Variants in EGFL6 observed in about 807,000 individuals in gnomAD.
EGFL6 encodes the protein epidermal growth factor-like protein 6.
In EGFL6, 42 loss-of-function variants were observed where a neutral mutation model predicts 43.1. That is an observed-to-expected ratio of 0.98 (90% CI 0.76 to 1.26). The LOEUF is 1.26. EGFL6 is among the 50% of genes most tolerant of loss of function. EGFL6 has a pLI of 0.00. For synonymous variants in EGFL6, 164 were observed against 163.2 expected (o/e 1.01, Z -0.04); for missense variants, 429 against 427.8 (o/e 1.00, Z -0.02).
intron 8 of EGFL6, 54 bp from the exon 9 acceptor site, chrX:13,619,109 T>A (rs1450418775): frequency 2.1e-6 from 2 of 969,396 alleles, no homozygotes; most frequent in Non-Finnish European, 3.0e-6. Context: ...TGATACCTTC[T>A]GAGCATGTGG....
At chrX:13,595,722 CT>C (rs751094085) in intron 3 of EGFL6, among the ~76,000 whole-genome samples, 245 of 100,256 alleles carry the variant, frequency 2.4e-3, no homozygotes, top group Middle Eastern at 5.0e-3. Flanking sequence ...ACTTCATATA[CT>C]TTTTTTTTTT....
chrX:13,592,298 C>G (rs1259725365), intron 2 of EGFL6, among the ~76,000 whole-genome samples: 1 of 111,077 alleles, frequency 9.0e-6, no homozygotes, highest in Non-Finnish European at 1.9e-5. Context: ...AAAGTAGACA[C>G]TGGAAATTAA....
At chrX:13,570,439 C>T (rs145322391) in intron 1 of EGFL6, among the ~76,000 whole-genome samples, 3,908 of 111,433 alleles carry the variant, frequency 0.035, 71 homozygotes, top group Non-Finnish European at 0.056. Context: ...TTGAGCTGAG[C>T]CAGCCGGGCT....
chrX:13,584,382 C>T (rs1382617460), intron 1 of EGFL6, among the ~76,000 whole-genome samples: 1 of 111,996 alleles, frequency 8.9e-6, no homozygotes, highest in African/African-American at 3.2e-5. Context: ...TGGTCCATCT[C>T]TTACATGCTG....
intron 1 of EGFL6, 56 bp from the exon 2 acceptor site, chrX:13,589,500 A>G (rs2045551275): frequency 1.0e-6 from 1 of 988,810 alleles, no homozygotes; most frequent in Non-Finnish European, 1.4e-6. Context: ...AGTAGGGAAG[A>G]GTTTCTGTTG....
chrX:13,596,145 C>T (rs1338016610), intron 3 of EGFL6: 1 of 111,975 alleles, frequency 8.9e-6, no homozygotes, highest in African/African-American at 3.2e-5. Context: ...GGAAGCGTTG[C>T]CAGATAAAAT....
At chrX:13,592,230 A>AG (rs1308027101) in intron 2 of EGFL6, among the ~76,000 whole-genome samples, 1 of 97,500 alleles carries the variant, frequency 1.0e-5, no homozygotes, top group Non-Finnish European at 2.1e-5. Flanking sequence ...AAAAAAAAAA[A>AG]GATTTATTTT....
rs749653304 is a variant in EGFL6 at position 13,569,816 on chromosome X, C to T, written c.-46C>T. On this transcript the variant is annotated 5_prime_UTR_variant, in exon 1 of 12. Transcript: ENST00000361306. ...TAGCTGCTACGGGGTCCGGCCGGCG[C>T]CCTCCCGAGGGGGGCTCAGGAGGAG... 18 of 1,181,124 alleles carry T rather than the reference C, an allele frequency of 1.5e-5. No homozygotes were observed. In the South Asian group the frequency reaches 3.0e-4, roughly 20 times the overall value.
intron 7 of EGFL6, among the ~76,000 whole-genome samples, chrX:13,612,072 T>A (rs2045691694): frequency 9.0e-6 from 1 of 110,681 alleles, no homozygotes; most frequent in South Asian, 3.9e-4. Context: ...TATTTATTGA[T>A]CATTCTTGGG....
rs1179302762 is a variant in EGFL6, at chrX:13,633,195, T to C, written c.*100T>C. ...CATTTTAGAATTACTAGCTGAAAAA[T>C]TGTAATGTACCAACAGAAATATTAT... On this transcript the variant is annotated 3_prime_UTR_variant, in exon 12 of 12. Transcript: ENST00000361306. 1 of 647,933 alleles carries C rather than the reference T, an allele frequency of 1.5e-6. No homozygotes were observed. Among genetic ancestry groups the C allele is most frequent in the East Asian group, 3.8e-5 (1 of 26,662 alleles). 53.4% of individuals were successfully genotyped at this position (647,933 alleles called of 1,213,427 possible).
At chrX:13,574,801 T>C (rs60018187) in intron 1 of EGFL6, 1,288 of 115,408 alleles carry the variant, frequency 0.011, 20 homozygotes, top group African/African-American at 0.038. Context: ...GAAAAGTACA[T>C]GCTGGAGTAC....
At chrX:13,593,550 G>A (rs1207488459) in intron 2 of EGFL6, among the ~76,000 whole-genome samples, 1 of 111,725 alleles carries the variant, frequency 9.0e-6, no homozygotes, top group African/African-American at 3.3e-5. Context: ...AGTTTGTCCT[G>A]CCAAGAAACA....
intron 3 of EGFL6, among the ~76,000 whole-genome samples, chrX:13,598,761 G>A (rs748522632): frequency 2.9e-5 from 3 of 104,993 alleles, no homozygotes; most frequent in African/African-American, 1.0e-4. Flanking sequence ...CTTTTATCAC[G>A]TAACATCCTG....
chrX:13,602,145 C>CAGAT (rs2045637474), intron 4 of EGFL6, among the ~76,000 whole-genome samples: 1 of 111,023 alleles, frequency 9.0e-6, no homozygotes, highest in East Asian at 2.8e-4. Context: ...TCAAAGTGTC[C>CAGAT]AGATAGCCCT....
At chrX:13,616,783 C>G (rs144685973) in intron 7 of EGFL6, among the ~76,000 whole-genome samples, 3,115 of 111,445 alleles carry the variant, frequency 0.028, 109 homozygotes, top group African/African-American at 0.095. Context: ...GTACCTCTTG[C>G]GTTCTTCGAC....
chrX:13,623,188 CA>C (rs913066220), intron 9 of EGFL6, among the ~76,000 whole-genome samples: 97 of 104,876 alleles, frequency 9.2e-4, no homozygotes, highest in African/African-American at 2.7e-3. Context: ...GAACCTGTCT[CA>C]AAAAAAAAGA....
chrX:13,624,890 G>C (rs1259066913), intron 10 of EGFL6, among the ~76,000 whole-genome samples: 4 of 112,024 alleles, frequency 3.6e-5, no homozygotes, highest in Non-Finnish European at 7.5e-5. Flanking sequence ...TCACACAGCA[G>C]TTGTGTGAAT....
chrX:13,589,779 G>A, intron 2 of EGFL6, 111 bp downstream of exon 2: 1 of 551,966 alleles, frequency 1.8e-6, no homozygotes, highest in Non-Finnish European at 2.8e-6. Flanking sequence ...GCAAGGACAT[G>A]CATAACTACC....
intron 1 of EGFL6, among the ~76,000 whole-genome samples, chrX:13,588,040 A>G (rs773974803): frequency 8.9e-6 from 1 of 112,432 alleles, no homozygotes; most frequent in Non-Finnish European, 1.9e-5. Flanking sequence ...CCTCCCAACA[A>G]CAAACAATGA....
Sources: gnomAD v4.1 joint callset for allele counts (sites outside exome capture counted in the v4.1 genomes callset) on GRCh38, gnomAD v4.1.1 for gene constraint, MANE v1.5 for transcripts, NCBI Gene and HGNC (gene_info 2026-07-23, HGNC 2026-07-21) for gene names.